MTARC2: variants seen among roughly 807,000 people sequenced by gnomAD.
The protein encoded by MTARC2 is MOCO sulphurase C-terminal domain containing 2.
In MTARC2, 27 loss-of-function variants were observed where a neutral mutation model predicts 35.6. The ratio of observed to expected loss-of-function variants is 0.76; its 90% CI spans 0.56 to 1.04. The LOEUF (loss-of-function observed/expected upper bound fraction) is 1.04. Among genes scored for constraint, MTARC2 ranks in the 50% least tolerant of loss-of-function variants. The pLI, the probability that MTARC2 is intolerant of heterozygous loss-of-function variation, is 0.00. For synonymous variants in MTARC2, 158 were observed against 167.1 expected (o/e 0.95, Z 0.42); for missense variants, 412 against 432.5 (o/e 0.95, Z 0.42).
intron 4 of MTARC2, among the ~76,000 whole-genome samples, chr1:220,772,488 T>A (rs1282031020): frequency 6.6e-6 from 1 of 152,174 alleles, no homozygotes. Flanking sequence ...ATATTCATAT[T>A]TGCAGCAAAT....
intron 1 of MTARC2, among the ~76,000 whole-genome samples, chr1:220,750,004 C>A (rs138581813): frequency 1.3e-5 from 2 of 152,282 alleles, no homozygotes; most frequent in African/African-American, 4.8e-5. Flanking sequence ...TTCTCCCACC[C>A]TTACCCCAGA....
chr1:220,766,974 T>C (rs1194545641), intron 4 of MTARC2, among the ~76,000 whole-genome samples: 1 of 126,148 alleles, frequency 7.9e-6, no homozygotes, highest in Non-Finnish European at 1.5e-5. Context: ...AAACCCCACC[T>C]CTACAAAAAA....
chr1:220,766,860 CAA>C (rs59711900), intron 4 of MTARC2, among the ~76,000 whole-genome samples: 6,071 of 91,896 alleles, frequency 0.066, 418 homozygotes, highest in African/African-American at 0.18. Flanking sequence ...AATAAAAGTA[CAA>C]AAAAAAAAAA....
intron 4 of MTARC2, among the ~76,000 whole-genome samples, chr1:220,766,334 A>C (rs1470249809): frequency 5.3e-5 from 8 of 152,248 alleles, no homozygotes; most frequent in Admixed American, 5.2e-4. Context: ...ATGGCTTGCC[A>C]GTAAACCCAC....
At chr1:220,750,927 A>G (rs1671108579) in intron 1 of MTARC2, among the ~76,000 whole-genome samples, 1 of 152,180 alleles carries the variant, frequency 6.6e-6, no homozygotes, top group South Asian at 2.1e-4. Context: ...CTTTGGGCGA[A>G]CTTCTACAAA....
intron 4 of MTARC2, among the ~76,000 whole-genome samples, chr1:220,779,735 A>G (rs1245195626): frequency 2.0e-5 from 3 of 152,186 alleles, no homozygotes; most frequent in African/African-American, 7.2e-5. Context: ...CTACACATTG[A>G]CTTTCCTGTT....
In MTARC2 at chr1:220,761,826, C is replaced by A. The variant is rs1023275775; in HGVS notation, c.609+6C>A. 5.0e-6 allele frequency: 8 copies of A among 1,600,262 alleles called. No homozygotes were observed. Among genetic ancestry groups the A allele is most frequent in the Admixed American group, 1.7e-5 (1 of 57,590 alleles). On this transcript the variant is annotated splice_donor_region_variant and intron_variant, in intron 3 of 7. Transcript: ENST00000366913. Reference sequence around the variant, plus strand: ...CTCTTGATCAGAATTTCCAGGTGAGCTTACAGAGAGTTTACCTTCACTGCT... The same window carrying A: ...CTCTTGATCAGAATTTCCAGGTGAGATTACAGAGAGTTTACCTTCACTGCT...
intron 4 of MTARC2, among the ~76,000 whole-genome samples, chr1:220,767,443 A>C (rs1671610783): frequency 6.6e-6 from 1 of 152,230 alleles, no homozygotes; most frequent in Non-Finnish European, 1.5e-5. Context: ...TGTGGCCTAA[A>C]GTACTTTGTA....
chr1:220,751,646 T>C (rs1558062000), intron 1 of MTARC2, among the ~76,000 whole-genome samples: 1 of 152,214 alleles, frequency 6.6e-6, no homozygotes, highest in Non-Finnish European at 1.5e-5. Flanking sequence ...TGAGAAATGA[T>C]ATTTTTTTCT....
chr1:220,773,124 G>T (rs1671790062), intron 4 of MTARC2, among the ~76,000 whole-genome samples: 1 of 152,260 alleles, frequency 6.6e-6, no homozygotes, highest in Non-Finnish European at 1.5e-5. Flanking sequence ...GAAAGACTAA[G>T]CCATGATTAG....
chr1:220,766,877 G>A lies in MTARC2; in HGVS notation c.750+3827G>A, dbSNP rs140193620. ...TAAAAGTACAAAAAAAAAAAAAAAG[G>A]CTAGGCATGTCCTAGAACTTTGGGA... On this transcript the variant is annotated intron_variant, in intron 4 of 7. Coordinates refer to ENST00000366913, the MANE Select transcript of MTARC2 (RefSeq NM_017898.5). 7.8e-3 allele frequency among the ~76,000 whole-genome samples: 1,103 copies of A among 141,194 alleles called. 10 individuals are homozygous for A. The highest frequency in any genetic ancestry group is 0.013 in the Non-Finnish European group (842 of 66,276). 92.6% of individuals were successfully genotyped at this position (141,194 alleles called of 152,430 possible). A position where few individuals can be genotyped will look rare whatever the true frequency, so the allele number is the denominator to read the frequency against.
intron 4 of MTARC2, among the ~76,000 whole-genome samples, chr1:220,767,399 T>A (rs1375285186): frequency 6.6e-6 from 1 of 151,966 alleles, no homozygotes; most frequent in African/African-American, 2.4e-5. Context: ...AAACACAGAG[T>A]AATAGGAGAA....
intron 6 of MTARC2, among the ~76,000 whole-genome samples, chr1:220,780,976 T>C (rs918488052): frequency 6.6e-6 from 1 of 151,924 alleles, no homozygotes; most frequent in Non-Finnish European, 1.5e-5. Flanking sequence ...TGTCAGAGCT[T>C]TTTTACCAAG....
intron 7 of MTARC2, among the ~76,000 whole-genome samples, chr1:220,782,234 G>T (rs1022955092): frequency 2.0e-5 from 3 of 152,188 alleles, no homozygotes; most frequent in African/African-American, 7.2e-5. Flanking sequence ...ATAGGGAAAT[G>T]AAGGTGATTG....
chr1:220,783,692 T>A (rs185132627), intron 7 of MTARC2, among the ~76,000 whole-genome samples: 1 of 152,306 alleles, frequency 6.6e-6, no homozygotes, highest in Non-Finnish European at 1.5e-5. Flanking sequence ...GAGATAGATA[T>A]GATAACAGGC....
chr1:220,772,559 A>G (rs1443259975), intron 4 of MTARC2, among the ~76,000 whole-genome samples: 1 of 152,152 alleles, frequency 6.6e-6, no homozygotes, highest in Non-Finnish European at 1.5e-5. Context: ...AGATGACCTC[A>G]CTGTGTCTGC....
At chr1:220,769,979 C>A (rs1341266879) in intron 4 of MTARC2, among the ~76,000 whole-genome samples, 1 of 138,286 alleles carries the variant, frequency 7.2e-6, no homozygotes, top group Admixed American at 7.7e-5. Context: ...TGATGGCGGG[C>A]GACTGTAGCC....
intron 4 of MTARC2, among the ~76,000 whole-genome samples, chr1:220,763,340 T>C (rs1033545207): frequency 1.3e-5 from 2 of 152,146 alleles, no homozygotes; most frequent in African/African-American, 4.8e-5. Context: ...AGCTCAGAGA[T>C]AACTGAGGGA....
chr1:220,753,743 A>G (rs972212841), intron 1 of MTARC2, among the ~76,000 whole-genome samples: 1 of 152,136 alleles, frequency 6.6e-6, no homozygotes. Flanking sequence ...TGCAGATTCT[A>G]TCTTCTTTCT....
Sources: allele counts gnomAD v4.1 joint callset (sites outside exome capture counted in the v4.1 genomes callset), GRCh38; gene constraint gnomAD v4.1.1; transcripts MANE v1.5; gene names NCBI Gene and HGNC (gene_info 2026-07-23, HGNC 2026-07-21).